C19orf47: variants seen among roughly 807,000 people sequenced by gnomAD.
The protein encoded by C19orf47 is chromosome 19 open reading frame 47.
In C19orf47, 18 loss-of-function variants were observed where a neutral mutation model predicts 32.3. The observed-to-expected ratio is 0.56, with a 90% CI of 0.39 to 0.83. The LOEUF (loss-of-function observed/expected upper bound fraction) is 0.83. Among genes scored for constraint, C19orf47 ranks in the 40% least tolerant of loss-of-function variants. The probability of loss-of-function intolerance (pLI) is 0.00; values close to 1 mark genes in which losing one functional copy is unlikely to be tolerated. For missense variants in C19orf47, 484 were observed against 531.6 expected, an observed-to-expected ratio of 0.91 and a Z score of 0.88; for synonymous variants, 202 against 211.1, an observed-to-expected ratio of 0.96 and a Z score of 0.37.
At chr19:40,301,325 ATTTAT>A in the C19orf47 span, among the ~76,000 whole-genome samples, 1 of 147,746 alleles carries the variant, frequency 6.8e-6, no homozygotes, top group African/African-American at 2.5e-5. Flanking sequence ...TTATTTATTT[ATTTAT>A]TTATTTATTT....
intron 2 of C19orf47, 139 bp from the exon 3 acceptor site, chr19:40,336,546 G>A: frequency 4.1e-6 from 3 of 730,176 alleles, no homozygotes; most frequent in Non-Finnish European, 6.9e-6. Context: ...ACACACACAT[G>A]ATGGAACTGA....
the C19orf47 span, among the ~76,000 whole-genome samples, chr19:40,297,320 C>T: frequency 1.3e-5 from 2 of 152,094 alleles, no homozygotes; most frequent in Admixed American, 6.6e-5. Flanking sequence ...AATCCCAGCA[C>T]TTTGGGAGGC....
intron 7 of C19orf47, among the ~76,000 whole-genome samples, chr19:40,324,933 C>G (rs1338739502): frequency 1.3e-5 from 2 of 151,484 alleles, no homozygotes; most frequent in Non-Finnish European, 2.9e-5. Flanking sequence ...GCACTCCAGC[C>G]CAGGCAACAG....
chr19:40,344,277 G>A (rs1446441578), intron 1 of C19orf47, among the ~76,000 whole-genome samples: 1 of 150,944 alleles, frequency 6.6e-6, no homozygotes, highest in Admixed American at 6.6e-5. Flanking sequence ...TCAGGAGTTT[G>A]AGACCAGCCT....
At chr19:40,338,987 A>C (rs947275960) in intron 2 of C19orf47, 2 of 152,286 alleles carry the variant, frequency 1.3e-5, no homozygotes, top group African/African-American at 4.8e-5. Flanking sequence ...TTAAGGGGAG[A>C]AAAAAGTACC....
rs879458885 is a variant in C19orf47, at chr19:40,321,654, A to T, written c.*228T>A. 7.4e-6 allele frequency: 10 copies of T among 1,356,796 alleles called. No homozygotes were observed. The highest frequency in any genetic ancestry group is 9.4e-6 in the Non-Finnish European group (10 of 1,059,948). The allele number at this position is 1,356,796 out of a possible 1,614,324, so 84.0% of individuals were successfully genotyped here. A position where few individuals can be genotyped will look rare whatever the true frequency, so the allele number is the denominator to read the frequency against. On this transcript the variant is annotated 3_prime_UTR_variant, in exon 9 of 9. Transcript: ENST00000683109. The stretch of plus-strand genomic sequence containing the variant: ...GCCACAGCCAGAGAAGAAAGCACAG[A>T]GGACATGAGAGAAGGGGAGTCCTGG...
At chr19:40,297,169 A>C in the C19orf47 span, among the ~76,000 whole-genome samples, 3 of 152,338 alleles carry the variant, frequency 2.0e-5, no homozygotes, top group African/African-American at 7.2e-5. Context: ...CTGACTTACA[A>C]AAAAAATTAA....
At chr19:40,333,796 T>G in intron 5 of C19orf47, 55 bp downstream of exon 5, 1 of 1,409,468 alleles carries the variant, frequency 7.1e-7, no homozygotes, top group Non-Finnish European at 9.6e-7. Flanking sequence ...ACGTGTCCCC[T>G]TCACTGACAG....
chr19:40,341,404 G>A lies in C19orf47; in HGVS notation c.19+435C>T, dbSNP rs577447510. Among the ~76,000 whole-genome samples the A allele has an allele frequency of 7.9e-5, 12 of 152,094 alleles. No homozygotes were observed. The South Asian group carries it at 1.0e-3, about 13-fold the overall frequency. On this transcript the variant is annotated intron_variant, in intron 2 of 8. Coordinates refer to ENST00000683109, the MANE Select transcript of C19orf47 (RefSeq NM_001256441.2). ...ATAATAAATGTCAAAATTTTTCAAA[G>A]CCACCAACTAACCTCTGTGCCTTAG... is the stretch of plus-strand genomic sequence containing the variant.
chr19:40,307,978 C>T, the C19orf47 span, among the ~76,000 whole-genome samples: 1 of 149,986 alleles, frequency 6.7e-6, no homozygotes, highest in Non-Finnish European at 1.5e-5. Flanking sequence ...TTACTCTCAT[C>T]TTAGTGAAGA....
At position 40,321,962 on chromosome 19, in the gene C19orf47, A is replaced by G; in HGVS notation, c.1078T>C (p.Ser360Pro). The G allele has an allele frequency of 6.2e-7, 1 of 1,613,762 alleles. No homozygotes were observed. Among genetic ancestry groups the G allele is most frequent in the Non-Finnish European group, 8.5e-7 (1 of 1,179,910 alleles). ...ATCTGGGCACCAAGGCCCTCGCTGG[A>G]GCTGCTCCCCCGGGGCCCCACCAGA... is the stretch of plus-strand genomic sequence containing the variant. ...RTLVGPRGSS[S>P]SEGLGAQMDH... The change falls in exon 9 of 9, where the codon TCC becomes CCC. Residue 360 changes from serine to proline, a missense_variant. Coordinates refer to ENST00000683109, the MANE Select transcript of C19orf47 (RefSeq NM_001256441.2).
chr19:40,322,048 C>G lies in C19orf47; in HGVS notation c.992G>C (p.Ser331Thr). Residue 331 changes from serine to threonine, a missense_variant, in exon 9 of 9, where the codon AGC (serine) becomes ACC (threonine). Physicochemically the swap from Ser to Thr is moderately conservative, Grantham distance 58. Around this residue, in one of 3 missense-constraint regions of C19orf47, gnomAD observed 376 missense variants for 370.2 expected, o/e 1.02. Transcript: ENST00000683109. The stretch of plus-strand genomic sequence containing the variant: ...CTTACTCTTGGTGCTGGTGACCTGG[C>G]TGTCCTGGGCCTCGGGCACAAGGGC... ...AAALVPEAQDSQVTSTKSKSS... is the reference protein window; with the variant it reads ...AAALVPEAQDTQVTSTKSKSS... 15 of 1,614,204 alleles carry G rather than the reference C, an allele frequency of 9.3e-6. No individual in the cohort carries two copies. The highest frequency in any genetic ancestry group is 1.3e-5 in the Non-Finnish European group (15 of 1,180,032).
At chr19:40,344,728 T>G (rs1044473441) in intron 1 of C19orf47, among the ~76,000 whole-genome samples, 1 of 151,868 alleles carries the variant, frequency 6.6e-6, no homozygotes, top group Admixed American at 6.6e-5. Flanking sequence ...ATCTAGCAAC[T>G]GACCTTACTG....
chr19:40,330,119 A>T (rs937860606), intron 5 of C19orf47, among the ~76,000 whole-genome samples: 5 of 152,216 alleles, frequency 3.3e-5, no homozygotes, highest in African/African-American at 7.2e-5. Context: ...TAAAGTGTGT[A>T]AAAGTGATCA....
the C19orf47 span, among the ~76,000 whole-genome samples, chr19:40,303,803 G>GA: frequency 0.081 from 3,693 of 45,332 alleles, 386 homozygotes; most frequent in African/African-American, 0.16. Context: ...GACTTTGTCT[G>GA]AAAAAAAAAA....
chr19:40,314,434 A>G, the C19orf47 span, among the ~76,000 whole-genome samples: 2 of 152,194 alleles, frequency 1.3e-5, no homozygotes, highest in Non-Finnish European at 2.9e-5. Context: ...TCTCAAAAAC[A>G]AAAACAATGG....
the C19orf47 span, among the ~76,000 whole-genome samples, chr19:40,307,363 G>C: frequency 6.6e-6 from 1 of 152,098 alleles, no homozygotes; most frequent in Non-Finnish European, 1.5e-5. Context: ...CCAAAGTGCT[G>C]GGATTACAGG....
At chr19:40,309,425 G>A in the C19orf47 span, among the ~76,000 whole-genome samples, 2 of 152,034 alleles carry the variant, frequency 1.3e-5, no homozygotes, top group African/African-American at 4.8e-5. Flanking sequence ...CTGACCTCAG[G>A]TGATCTGCCG....
intron 5 of C19orf47, among the ~76,000 whole-genome samples, chr19:40,330,639 T>C (rs2077933953): frequency 7.4e-6 from 1 of 135,684 alleles, no homozygotes; most frequent in Non-Finnish European, 1.5e-5. Flanking sequence ...AGCCTCAAAG[T>C]CCTGGGCTCA....
Sources: gnomAD v4.1 joint callset for allele counts (sites outside exome capture counted in the v4.1 genomes callset) on GRCh38, gnomAD v4.1.1 for gene constraint, gnomAD v4.1.1 regional missense constraint, MANE v1.5 for transcripts, NCBI Gene and HGNC (gene_info 2026-07-23, HGNC 2026-07-21) for gene names.